The following NUP205 variants were observed in gnomAD, a reference collection of about 807,000 sequenced individuals.
NUP205 encodes the protein nuclear pore complex protein Nup205.
Under a neutral mutation model 253.8 loss-of-function variants are expected in NUP205, and 76 were observed. That is an observed-to-expected ratio of 0.30 (90% confidence interval 0.25 to 0.36). The LOEUF (loss-of-function observed/expected upper bound fraction) is 0.36. Among genes scored for constraint, NUP205 ranks in the 10% least tolerant of loss-of-function variants. The probability of loss-of-function intolerance (pLI) is 1.00; values close to 1 mark genes in which losing one functional copy is unlikely to be tolerated. For missense variants in NUP205, 2,162 were observed against 2,425.5 expected, an observed-to-expected ratio of 0.89 and a Z score of 2.28; for synonymous variants, 832 against 850.1, an observed-to-expected ratio of 0.98 and a Z score of 0.37.
At chr7:135,616,143 G>T in intron 24 of NUP205, 78 bp downstream of exon 24, 1 of 1,358,994 alleles carries the variant, frequency 7.4e-7, no homozygotes, top group Non-Finnish European at 1.0e-6. Context: ...CTTGTGCTTA[G>T]TATGTGACTA....
chr7:135,610,722 T>C (rs1416360562), intron 22 of NUP205, among the ~76,000 whole-genome samples: 1 of 152,180 alleles, frequency 6.6e-6, no homozygotes, highest in Non-Finnish European at 1.5e-5. Context: ...TTCACCCTGC[T>C]TCAGAAAAAA....
intron 22 of NUP205, among the ~76,000 whole-genome samples, chr7:135,613,323 A>T (rs934191606): frequency 6.6e-6 from 1 of 151,506 alleles, no homozygotes; most frequent in Non-Finnish European, 1.5e-5. Flanking sequence ...ACTTTTTCTT[A>T]TATTTAATAT....
In NUP205 at chr7:135,635,619, T is replaced by G. The variant is rs1284199048; in HGVS notation, c.5098T>G (p.Ser1700Ala). 1 of 1,596,372 alleles carries G rather than the reference T, an allele frequency of 6.3e-7. No individual in the cohort carries two copies. The highest frequency in any genetic ancestry group is 1.3e-5 in the African/African-American group (1 of 74,728). ...ACTTGACGTTGATGTAAATGAAGGG[T>G]CTCTAATGGAGCTACAGGGACATAT... Reference protein sequence around the residue: ...SELDVDVNEGSLMELQGHIGR... With the variant: ...SELDVDVNEGALMELQGHIGR... Residue 1700 changes from serine (S) to alanine (A), a missense_variant, in exon 36 of 43, where the codon TCT becomes GCT. Ser to Ala is a moderately conservative substitution (Grantham distance 99, BLOSUM62 1). This residue lies in a region of NUP205 where 1,144 missense variants were observed against 1,280.9 expected (regional missense o/e 0.89). Coordinates refer to ENST00000285968, the MANE Select transcript of NUP205 (RefSeq NM_015135.3).
rs1433794906 is a variant in NUP205, at chr7:135,592,856, C to CA, written c.1625-130dup. On this transcript the variant is annotated intron_variant, in intron 11 of 42. Transcript: ENST00000285968. ...GAGCTGAGATTGCCCCTCTGCACTC[C>CA]AGCCTGGGTGACAGTGAGACTCTAT... is the stretch of plus-strand genomic sequence containing the variant. The CA allele has an allele frequency of 1.0e-5, 7 of 686,434 alleles. 1 individual carries two copies. Among genetic ancestry groups the CA allele is most frequent in the Admixed American group, 7.7e-5 (3 of 39,186 alleles). The allele number at this position is 686,434 out of a possible 1,614,324, so 42.5% of individuals were successfully genotyped here.
intron 36 of NUP205, 46 bp downstream of exon 36, chr7:135,635,703 C>T: frequency 9.1e-7 from 1 of 1,099,962 alleles, no homozygotes; most frequent in East Asian, 2.4e-5. Context: ...AGACATGTTA[C>T]AAAATATACC....
intron 24 of NUP205, 134 bp downstream of exon 24, chr7:135,616,199 A>G (rs1192398928): frequency 2.7e-6 from 2 of 746,184 alleles, no homozygotes; most frequent in Non-Finnish European, 4.1e-6. Flanking sequence ...TTTTCTTAAA[A>G]CACAAAAATT....
rs780892550 is a variant in NUP205 at position 135,557,938 on chromosome 7, C to A, written c.-7C>A. On this transcript the variant is annotated 5_prime_UTR_variant, in exon 1 of 43. Transcript: ENST00000285968. ...CGGCAGAAGGGCTCTGTTAGTGCGC[C>A]TCTAAGATGGCGACGCCTTTGGCGG... 13 of 1,613,622 alleles carry A rather than the reference C, an allele frequency of 8.1e-6. No homozygotes were observed. The highest frequency in any genetic ancestry group is 1.1e-5 in the Non-Finnish European group (13 of 1,179,494).
intron 5 of NUP205, 108 bp downstream of exon 5, chr7:135,577,236 A>G (rs189753160): frequency 3.7e-6 from 4 of 1,076,106 alleles, no homozygotes; most frequent in Non-Finnish European, 5.4e-6. Context: ...AGCTGATACC[A>G]TGCCTGATTG....
chr7:135,576,522 A>G, intron 4 of NUP205, 108 bp downstream of exon 4: 1 of 870,124 alleles, frequency 1.1e-6, no homozygotes, highest in Non-Finnish European at 1.8e-6. Context: ...AAGCTGAGTA[A>G]TATACTCCCT....
chr7:135,570,484 G>A (rs184158463), intron 1 of NUP205, among the ~76,000 whole-genome samples: 1 of 151,398 alleles, frequency 6.6e-6, no homozygotes, highest in Admixed American at 6.6e-5. Context: ...CAGAGTGCTG[G>A]GATTACAGGC....
intron 1 of NUP205, among the ~76,000 whole-genome samples, chr7:135,565,634 G>T (rs1192777752): frequency 6.6e-6 from 1 of 151,716 alleles, no homozygotes; most frequent in Non-Finnish European, 1.5e-5. Context: ...GTTTCTCTAT[G>T]TTGATCAGGC....
At chr7:135,566,315 G>T (rs530233178) in intron 1 of NUP205, among the ~76,000 whole-genome samples, 1 of 152,030 alleles carries the variant, frequency 6.6e-6, no homozygotes, top group Non-Finnish European at 1.5e-5. Context: ...CATCATGTTG[G>T]CCAGACTGGT....
chr7:135,623,386 A>G (rs1794517491), intron 31 of NUP205, among the ~76,000 whole-genome samples: 1 of 152,204 alleles, frequency 6.6e-6, no homozygotes, highest in South Asian at 2.1e-4. Flanking sequence ...CTATAATTTG[A>G]GACTTCTGTT....
chr7:135,593,608 C>T (rs909995358), intron 12 of NUP205, among the ~76,000 whole-genome samples: 3 of 152,172 alleles, frequency 2.0e-5, no homozygotes, highest in Admixed American at 6.5e-5. Context: ...TCTGCCACTA[C>T]CAAATTGGTC....
intron 13 of NUP205, chr7:135,597,097 T>G: frequency 2.6e-6 from 1 of 381,160 alleles, no homozygotes; most frequent in Non-Finnish European, 4.7e-6. Context: ...ATTCATTTCC[T>G]AGAATATCTG....
At chr7:135,576,676 G>A (rs573372280) in intron 4 of NUP205, among the ~76,000 whole-genome samples, 2 of 152,278 alleles carry the variant, frequency 1.3e-5, no homozygotes, top group African/African-American at 4.8e-5. Flanking sequence ...GAGCTCAGGA[G>A]TTTTAGATCA....
intron 1 of NUP205, among the ~76,000 whole-genome samples, chr7:135,568,139 C>T (rs1563108515): frequency 6.6e-6 from 1 of 151,936 alleles, no homozygotes; most frequent in Non-Finnish European, 1.5e-5. Flanking sequence ...AGGAGAATCA[C>T]TTGAACTCAG....
In NUP205 at chr7:135,645,556, A is replaced by T. The variant is rs1794990758; in HGVS notation, c.5772A>T (p.Leu1924Phe). 6.2e-7 allele frequency: 1 copy of T among 1,614,084 alleles called. No homozygotes were observed. Among genetic ancestry groups the T allele is most frequent in the African/African-American group, 1.3e-5 (1 of 75,024 alleles). ...TGCCCACGGATTCTCAAGATTCCTT[A>T]TTTGCCTCGAGAACCTTGTTTAAAA... ...HCMPTDSQDSLFASRTLFKSR... is the reference protein window; with the variant it reads ...HCMPTDSQDSFFASRTLFKSR... Residue 1924 changes from leucine to phenylalanine, a missense_variant, in exon 41 of 43, where the codon TTA becomes TTT. Physicochemically the swap from Leu to Phe is conservative, Grantham distance 22 (BLOSUM62 0). Transcript: ENST00000285968.
At chr7:135,595,388 T>C (rs1793802487) in intron 13 of NUP205, among the ~76,000 whole-genome samples, 1 of 152,118 alleles carries the variant, frequency 6.6e-6, no homozygotes, top group African/African-American at 2.4e-5. Flanking sequence ...CACGCCCAGC[T>C]AATTTTTGTA....
Sources: allele counts gnomAD v4.1 joint callset (sites outside exome capture counted in the v4.1 genomes callset), GRCh38; gene constraint gnomAD v4.1.1; regional missense constraint gnomAD v4.1.1; transcripts MANE v1.5; gene names NCBI Gene and HGNC (gene_info 2026-07-23, HGNC 2026-07-21).